The following ITGBL1 variants were observed in gnomAD, a reference collection of about 807,000 sequenced individuals.
The protein encoded by ITGBL1 is integrin subunit beta like 1, also known as integrin beta-like protein 1.
Under a neutral mutation model 68.5 loss-of-function variants are expected in ITGBL1, and 51 were observed. That is an observed-to-expected ratio of 0.74 (90% CI 0.59 to 0.94). The LOEUF is 0.94. Among genes scored for constraint, ITGBL1 ranks in the 40% least tolerant of loss-of-function variants. The pLI, the probability that ITGBL1 is intolerant of heterozygous loss-of-function variation, is 0.00. For missense variants in ITGBL1, 649 were observed against 647.4 expected (o/e 1.00, Z -0.03); for synonymous variants, 209 against 227.3 (o/e 0.92, Z 0.72).
intron 9 of ITGBL1, chr13:101,711,069 C>G (rs1487917164): frequency 1.3e-5 from 2 of 152,140 alleles, no homozygotes; most frequent in Non-Finnish European, 1.5e-5. Context: ...TGTGAATAAC[C>G]AAGAGAGATG....
intron 2 of ITGBL1, among the ~76,000 whole-genome samples, chr13:101,485,733 A>T (rs2048693233): frequency 6.6e-6 from 1 of 152,152 alleles, no homozygotes; most frequent in Non-Finnish European, 1.5e-5. Context: ...CAGAGCTTGC[A>T]GTGAGCCAAG....
intron 7 of ITGBL1, among the ~76,000 whole-genome samples, chr13:101,669,676 GTTTCT>G (rs1415043799): frequency 6.6e-6 from 1 of 152,052 alleles, no homozygotes; most frequent in Non-Finnish European, 1.5e-5. Flanking sequence ...TGTAAAACTT[GTTTCT>G]TTTAATTTTC....
At position 101,453,907 on chromosome 13, in the gene ITGBL1, G is replaced by T; in HGVS notation, c.123G>T (p.Arg41Ser). 2 of 1,264,778 alleles carry T rather than the reference G, an allele frequency of 1.6e-6. No individual in the cohort carries two copies. The highest frequency in any genetic ancestry group is 1.6e-5 in the African/African-American group (1 of 64,382). The allele number at this position is 1,264,778 out of a possible 1,614,324, so 78.3% of individuals were successfully genotyped here. A position where few individuals can be genotyped will look rare whatever the true frequency, so the allele number is the denominator to read the frequency against. The change falls in exon 2 of 11, where the codon AGG becomes AGT. Residue 41 changes from arginine to serine, a missense_variant. By Grantham distance (110) the Arg-to-Ser change is moderately radical (BLOSUM62 -1). Coordinates refer to ENST00000376180, the MANE Select transcript of ITGBL1 (RefSeq NM_004791.3). ...SLRSWPGAAC[R>S]LSRAESERRC... ...GGAGCTGGCCGGGCGCCGCCTGCAGGCTGTCCCGGGCCGAGTCGGAGCGAC... is the reference window on the plus strand; with the variant it reads ...GGAGCTGGCCGGGCGCCGCCTGCAGTCTGTCCCGGGCCGAGTCGGAGCGAC...
chr13:101,648,864 A>G (rs975542377), intron 7 of ITGBL1, among the ~76,000 whole-genome samples: 1 of 152,034 alleles, frequency 6.6e-6, no homozygotes, highest in Non-Finnish European at 1.5e-5. Context: ...GGTGTTAGTA[A>G]TATTATTTTC....
At position 101,627,940 on chromosome 13, in the gene ITGBL1, G is replaced by A. The variant is rs2031842509; in HGVS notation, c.1015+29641G>A. ...TTGCAGGTTTTCATGTGGACATTAAGTTTTCAGTTCCTTTGGGTAAATAAC... is the reference window on the plus strand; with the variant it reads ...TTGCAGGTTTTCATGTGGACATTAAATTTTCAGTTCCTTTGGGTAAATAAC... On this transcript the variant is annotated intron_variant, in intron 7 of 10. Coordinates refer to ENST00000376180, the MANE Select transcript of ITGBL1 (RefSeq NM_004791.3). 2.0e-5 allele frequency among the ~76,000 whole-genome samples: 3 copies of A among 152,312 alleles called. No individual in the cohort carries two copies. In the South Asian group the frequency reaches 6.2e-4, roughly 32 times the overall value.
At chr13:101,612,422 G>C (rs577384705) in intron 7 of ITGBL1, among the ~76,000 whole-genome samples, 44 of 152,242 alleles carry the variant, frequency 2.9e-4, no homozygotes, top group Admixed American at 1.6e-3. Flanking sequence ...AGAAAATATG[G>C]AGTATGTAGT....
chr13:101,485,664 C>T (rs930222934), intron 2 of ITGBL1, among the ~76,000 whole-genome samples: 2 of 151,956 alleles, frequency 1.3e-5, no homozygotes, highest in East Asian at 1.9e-4. Flanking sequence ...TGGTGGCAGG[C>T]GCCCGTAGTC....
At chr13:101,604,887 T>TATATGCACACACACACAC in intron 7 of ITGBL1, among the ~76,000 whole-genome samples, 2 of 22,164 alleles carry the variant, frequency 9.0e-5, no homozygotes, top group African/African-American at 1.5e-4. Context: ...TATATATATA[T>TATATGCACACACACACAC]ACACACACAC....
At chr13:101,618,605 C>T (rs766375970) in intron 7 of ITGBL1, among the ~76,000 whole-genome samples, 4 of 152,136 alleles carry the variant, frequency 2.6e-5, no homozygotes, top group Non-Finnish European at 5.9e-5. Context: ...CAACCTCCCA[C>T]AGACTCTCTC....
intron 7 of ITGBL1, among the ~76,000 whole-genome samples, chr13:101,675,640 A>G (rs759268812): frequency 6.6e-6 from 1 of 152,192 alleles, no homozygotes; most frequent in Non-Finnish European, 1.5e-5. Context: ...ATCTTCAAAT[A>G]TAATCATACT....
intron 7 of ITGBL1, among the ~76,000 whole-genome samples, chr13:101,681,929 T>C (rs1416054248): frequency 2.0e-5 from 3 of 151,646 alleles, no homozygotes; most frequent in Admixed American, 6.6e-5. Flanking sequence ...AAGAGGAATA[T>C]AGCTTGAAAA....
intron 4 of ITGBL1, among the ~76,000 whole-genome samples, chr13:101,575,776 T>G (rs918878277): frequency 2.4e-4 from 36 of 152,182 alleles, no homozygotes; most frequent in African/African-American, 8.2e-4. Flanking sequence ...TGTGTCATTA[T>G]GGCAACAGGC....
In ITGBL1 at chr13:101,652,764, C is replaced by T. The variant is rs115618273; in HGVS notation, c.1016-39821C>T. Reference sequence around the variant, plus strand: ...CCAAAATGCACGAGAAGGAAATAGACGCACCAAAGTTACCTCAATATAGTG... The same window carrying T: ...CCAAAATGCACGAGAAGGAAATAGATGCACCAAAGTTACCTCAATATAGTG... On this transcript the variant is annotated intron_variant, in intron 7 of 10. Transcript: ENST00000376180. Among the ~76,000 whole-genome samples the T allele has an allele frequency of 6.1e-3, 926 of 152,194 alleles. 10 individuals carry two copies. The highest frequency in any genetic ancestry group is 0.021 in the African/African-American group (870 of 41,534).
intron 2 of ITGBL1, among the ~76,000 whole-genome samples, chr13:101,555,446 T>G (rs1313154980): frequency 6.6e-6 from 1 of 152,188 alleles, no homozygotes; most frequent in Non-Finnish European, 1.5e-5. Context: ...ACCACCAGTG[T>G]GTATCAGGAC....
At position 101,579,395 on chromosome 13, in the gene ITGBL1, C is replaced by T. The variant is rs772944141; in HGVS notation, c.695C>T (p.Thr232Met). 1.8e-5 allele frequency: 29 copies of T among 1,613,662 alleles called. No individual in the cohort carries two copies. In the African/African-American group the frequency reaches 2.7e-4, roughly 15 times the overall value. The change falls in exon 5 of 11, where the codon ACG becomes ATG. Residue 232 changes from threonine to methionine, a missense_variant. Thr to Met is a moderately conservative substitution (Grantham distance 81). Coordinates refer to ENST00000376180, the MANE Select transcript of ITGBL1 (RefSeq NM_004791.3). ...CCCTGGGAAAGCAAGCGAAGATGCA[C>T]GTCTCCAGATGGCAAAATCTGCAGT... is the stretch of plus-strand genomic sequence containing the variant. ...ITPWESKRRC[T>M]SPDGKICSNR...
chr13:101,471,450 A>C (rs1458652097), intron 2 of ITGBL1, among the ~76,000 whole-genome samples: 1 of 152,138 alleles, frequency 6.6e-6, no homozygotes, highest in Non-Finnish European at 1.5e-5. Context: ...TGCTTCAAGA[A>C]TGCTTCATTA....
rs778866923 is a variant in ITGBL1 at position 101,598,306 on chromosome 13, G to A, written c.1015+7G>A. On this transcript the variant is annotated splice_region_variant and intron_variant, in intron 7 of 10. Transcript: ENST00000376180. Reference sequence around the variant, plus strand: ...CTGCCTTGCTCTGGGAGGGGTAAGTGAGGTCTCTCAGGGCTTCCCACGGCC... The same window carrying A: ...CTGCCTTGCTCTGGGAGGGGTAAGTAAGGTCTCTCAGGGCTTCCCACGGCC... 4.4e-6 allele frequency: 7 copies of A among 1,596,538 alleles called. No individual in the cohort carries two copies. The highest frequency in any genetic ancestry group is 4.3e-6 in the Non-Finnish European group (5 of 1,172,186).
chr13:101,472,040 C>T (rs2048468867), intron 2 of ITGBL1, among the ~76,000 whole-genome samples: 1 of 145,714 alleles, frequency 6.9e-6, no homozygotes, highest in Non-Finnish European at 1.5e-5. Flanking sequence ...ATTATATTGA[C>T]ATCATAAGAC....
At chr13:101,648,855 G>T (rs145583163) in intron 7 of ITGBL1, among the ~76,000 whole-genome samples, 1 of 151,574 alleles carries the variant, frequency 6.6e-6, no homozygotes, top group Non-Finnish European at 1.5e-5. Context: ...AAATCTGGGG[G>T]TGTTAGTAAT....
Sources: allele counts gnomAD v4.1 joint callset (sites outside exome capture counted in the v4.1 genomes callset), GRCh38; gene constraint gnomAD v4.1.1; transcripts MANE v1.5; gene names NCBI Gene and HGNC (gene_info 2026-07-23, HGNC 2026-07-21).